Variants in TPO observed in about 807,000 individuals in gnomAD.
The protein encoded by TPO is thyroid peroxidase, also known as thyroid microsomal antigen.
TPO carries 78 observed loss-of-function variants against 96.9 expected under a neutral mutation model. That is an observed-to-expected ratio of 0.81 (90% CI 0.67 to 0.97). The LOEUF is 0.97. TPO is among the 50% of genes least tolerant of loss of function. TPO has a pLI of 0.00. For missense variants in TPO, 1,252 were observed against 1,274.8 expected, an observed-to-expected ratio of 0.98 and a Z score of 0.27; for synonymous variants, 547 against 538.0, an observed-to-expected ratio of 1.02 and a Z score of -0.23.
chr2:1,477,364 C>T lies in TPO; in HGVS notation c.1098C>T (p.Phe366=), dbSNP rs534920357. 45 of 1,538,562 alleles carry T rather than the reference C, an allele frequency of 2.9e-5. No individual in the cohort carries two copies. In the East Asian group the frequency reaches 5.6e-4, roughly 19 times the overall value. Residue 366 remains phenylalanine (F), a synonymous_variant, in exon 8 of 17, where the codon TTC becomes TTT. Coordinates refer to ENST00000329066, the MANE Select transcript of TPO (RefSeq NM_001206744.2). ...ACTCCGGCCGCGCCTACCTGCCCTT[C>T]GTGCCGCCACGCGCGCCTGCGGCCT... ...LRDSGRAYLP[F]VPPRAPAACA...
chr2:1,394,033 C>G (rs145280558), intron 1 of TPO, among the ~76,000 whole-genome samples: 2,474 of 152,312 alleles, frequency 0.016, 112 homozygotes, highest in Admixed American at 0.12. Context: ...CCACCTATCT[C>G]CTCCATGTGA....
chr2:1,481,354 G>A (rs913576544), intron 8 of TPO, among the ~76,000 whole-genome samples: 1 of 152,230 alleles, frequency 6.6e-6, no homozygotes, highest in Non-Finnish European at 1.5e-5. Context: ...CATCCAGGCA[G>A]CATGGAGTTT....
intron 13 of TPO, among the ~76,000 whole-genome samples, chr2:1,500,732 C>T (rs1408047156): frequency 1.3e-5 from 2 of 151,736 alleles, no homozygotes; most frequent in African/African-American, 2.4e-5. Context: ...TTTGGGAGGC[C>T]GAGGCAGGTG....
intron 7 of TPO, among the ~76,000 whole-genome samples, chr2:1,472,419 G>A (rs978562448): frequency 6.6e-6 from 1 of 152,092 alleles, no homozygotes; most frequent in Admixed American, 6.6e-5. Flanking sequence ...ATGCTCACTT[G>A]GCTACACCTA....
intron 3 of TPO, among the ~76,000 whole-genome samples, chr2:1,425,384 G>T: frequency 6.6e-6 from 1 of 151,972 alleles, no homozygotes; most frequent in African/African-American, 2.4e-5. Context: ...GGGATACAGA[G>T]ATGCGTTAGA....
At chr2:1,512,975 T>C (rs557355064) in intron 14 of TPO, among the ~76,000 whole-genome samples, 24 of 152,330 alleles carry the variant, frequency 1.6e-4, no homozygotes, top group Admixed American at 1.5e-3. Context: ...CTAACTGTTG[T>C]TGCACGGAGG....
intron 10 of TPO, among the ~76,000 whole-genome samples, chr2:1,492,777 T>C (rs928876348): frequency 7.9e-5 from 12 of 152,106 alleles, no homozygotes; most frequent in Non-Finnish European, 1.8e-4. Flanking sequence ...GGCAGGGCGC[T>C]GAGAGTAGAA....
At chr2:1,536,641 TCCCC>T (rs552769137) in intron 15 of TPO, among the ~76,000 whole-genome samples, 3 of 15,594 alleles carry the variant, frequency 1.9e-4, no homozygotes, top group Non-Finnish European at 2.1e-4. Context: ...CCTCCCCAAA[TCCCC>T]CCCCCCACTG....
intron 2 of TPO, among the ~76,000 whole-genome samples, chr2:1,416,087 A>G (rs1215634522): frequency 6.6e-6 from 1 of 152,204 alleles, no homozygotes; most frequent in Non-Finnish European, 1.5e-5. Context: ...AGAACACTGG[A>G]AAATTACTCA....
At chr2:1,518,204 C>T (rs1266967515) in intron 15 of TPO, among the ~76,000 whole-genome samples, 1 of 152,214 alleles carries the variant, frequency 6.6e-6, no homozygotes, top group Non-Finnish European at 1.5e-5. Context: ...ATAATAGAAA[C>T]TCAACATTCT....
At chr2:1,476,050 C>G (rs28910590) in intron 7 of TPO, among the ~76,000 whole-genome samples, 440 of 152,364 alleles carry the variant, frequency 2.9e-3, no homozygotes, top group African/African-American at 9.7e-3. Flanking sequence ...GCTGCTGGCT[C>G]GCTGGCCGCA....
chr2:1,409,928 CT>C (rs1421155055), upstream of TPO, among the ~76,000 whole-genome samples: 2 of 119,196 alleles, frequency 1.7e-5, no homozygotes, highest in African/African-American at 7.2e-5. Flanking sequence ...TGGTGGACAC[CT>C]AGGGTTACGG....
intron 3 of TPO, among the ~76,000 whole-genome samples, chr2:1,425,082 G>T (rs1361078031): frequency 6.7e-6 from 1 of 148,776 alleles, no homozygotes; most frequent in Non-Finnish European, 1.5e-5. Flanking sequence ...AGATGAGTTT[G>T]ATTATTTCAT....
At chr2:1,535,360 C>A (rs1325385268) in intron 15 of TPO, among the ~76,000 whole-genome samples, 1 of 67,150 alleles carries the variant, frequency 1.5e-5, no homozygotes, top group African/African-American at 5.2e-5. Context: ...CAAATCCCCC[C>A]ACTGTGTGCA....
intron 9 of TPO, 123 bp from the exon 10 acceptor site, chr2:1,487,698 G>A (rs907361689): frequency 5.4e-6 from 7 of 1,290,218 alleles, no homozygotes; most frequent in Non-Finnish European, 7.5e-6. Context: ...GATCGCCACT[G>A]CACTCCAGCC....
At chr2:1,539,591 G>C (rs1241535391) in intron 15 of TPO, among the ~76,000 whole-genome samples, 1 of 152,190 alleles carries the variant, frequency 6.6e-6, no homozygotes, top group Non-Finnish European at 1.5e-5. Context: ...CGGTGCACTG[G>C]ACTTTGCTGG....
chr2:1,401,835 G>A (rs1295048044), intron 1 of TPO, among the ~76,000 whole-genome samples: 1 of 152,186 alleles, frequency 6.6e-6, no homozygotes, highest in African/African-American at 2.4e-5. Context: ...ACCCCTGTGG[G>A]TATTTGTCTG....
chr2:1,391,146 G>A (rs1661994139), intron 1 of TPO, among the ~76,000 whole-genome samples: 2 of 152,202 alleles, frequency 1.3e-5, no homozygotes, highest in African/African-American at 2.4e-5. Flanking sequence ...TTTTCTTCTA[G>A]ATTTTCTATG....
intron 7 of TPO, among the ~76,000 whole-genome samples, chr2:1,476,335 A>G (rs1669931674): frequency 6.6e-6 from 1 of 152,152 alleles, no homozygotes; most frequent in African/African-American, 2.4e-5. Context: ...CTGACAGGGA[A>G]AGGGCACATG....
Sources: allele counts gnomAD v4.1 joint callset (sites outside exome capture counted in the v4.1 genomes callset), GRCh38; gene constraint gnomAD v4.1.1; transcripts MANE v1.5; gene names NCBI Gene and HGNC (gene_info 2026-07-23, HGNC 2026-07-21).